Variants in NEK1 observed in about 807,000 individuals in gnomAD.
The protein encoded by NEK1 is serine/threonine-protein kinase Nek1.
A neutral mutation model predicts 182.1 loss-of-function variants in NEK1; 137 were observed. The ratio of observed to expected loss-of-function variants is 0.75; its 90% CI spans 0.65 to 0.87. The LOEUF is 0.87. NEK1 is among the 40% of genes least tolerant of loss of function. The probability of loss-of-function intolerance (pLI) is 0.00; values close to 1 mark genes in which losing one functional copy is unlikely to be tolerated. For missense variants in NEK1, 1,391 were observed against 1,494.4 expected (o/e 0.93, Z 1.14); for synonymous variants, 513 against 492.2 (o/e 1.04, Z -0.56).
intron 4 of NEK1, among the ~76,000 whole-genome samples, chr4:169,601,404 T>C (rs1192631151): frequency 2.6e-5 from 4 of 152,196 alleles, no homozygotes; most frequent in African/African-American, 9.6e-5. Context: ...TAGAGAAGCT[T>C]TGCCTTATCT....
chr4:169,522,812 C>G lies in NEK1; in HGVS notation c.1666-13960G>C, dbSNP rs538114938. ...GGTGTCAGGAAAATGTTGAGGTTCC[C>G]TATCTTTGTTGGGATTCCCCTTTTC... On this transcript the variant is annotated intron_variant, in intron 19 of 35. Coordinates refer to ENST00000507142, the MANE Select transcript of NEK1 (RefSeq NM_001199397.3). 6.6e-5 allele frequency among the ~76,000 whole-genome samples: 10 copies of G among 152,260 alleles called. No homozygotes were observed. In the South Asian group the frequency reaches 2.1e-3, roughly 32 times the overall value.
intron 29 of NEK1, among the ~76,000 whole-genome samples, chr4:169,431,539 T>A (rs1477850177): frequency 7.1e-6 from 1 of 141,108 alleles, no homozygotes. Context: ...TAGGAAAAAA[T>A]GTATACAAAC....
intron 26 of NEK1, among the ~76,000 whole-genome samples, chr4:169,471,030 T>C (rs1745860581): frequency 6.6e-6 from 1 of 152,188 alleles, no homozygotes; most frequent in East Asian, 1.9e-4. Context: ...TGTAACTTTT[T>C]ATCAAGGTTC....
intron 31 of NEK1, among the ~76,000 whole-genome samples, chr4:169,421,931 T>A (rs1456713902): frequency 2.0e-5 from 3 of 152,162 alleles, no homozygotes; most frequent in African/African-American, 7.2e-5. Flanking sequence ...TATTTCACAG[T>A]AGAAAAACAC....
chr4:169,435,284 C>T (rs1247823489), intron 28 of NEK1, among the ~76,000 whole-genome samples: 5 of 152,146 alleles, frequency 3.3e-5, no homozygotes, highest in African/African-American at 1.2e-4. Flanking sequence ...GGGCACCAAT[C>T]CCATTAATGA....
chr4:169,451,217 G>T (rs1171689746), intron 27 of NEK1, among the ~76,000 whole-genome samples: 2 of 152,078 alleles, frequency 1.3e-5, no homozygotes, highest in Non-Finnish European at 2.9e-5. Flanking sequence ...GTCAATATTA[G>T]ACAGATCAAC....
intron 2 of NEK1, among the ~76,000 whole-genome samples, chr4:169,603,269 A>C (rs1340961220): frequency 6.6e-6 from 1 of 152,194 alleles, no homozygotes; most frequent in Admixed American, 6.5e-5. Flanking sequence ...AGGTACCCTC[A>C]TTAACACTGG....
intron 19 of NEK1, among the ~76,000 whole-genome samples, chr4:169,510,328 T>C (rs763695781): frequency 2.6e-5 from 4 of 152,184 alleles, no homozygotes; most frequent in Non-Finnish European, 5.9e-5. Context: ...TTTATAAACC[T>C]GACTTTATCC....
chr4:169,415,689 T>A (rs911177323), intron 31 of NEK1, among the ~76,000 whole-genome samples: 1 of 152,222 alleles, frequency 6.6e-6, no homozygotes, highest in East Asian at 1.9e-4. Context: ...ATTCCAGGCC[T>A]ATCCCTGCTG....
chr4:169,580,962 C>T (rs747501523), intron 10 of NEK1, 60 bp from the exon 11 acceptor site: 1 of 919,096 alleles, frequency 1.1e-6, no homozygotes, highest in Non-Finnish European at 1.6e-6. Flanking sequence ...AAAAAACCTA[C>T]CCATTAATTA....
At chr4:169,468,842 C>A (rs949491262) in intron 26 of NEK1, among the ~76,000 whole-genome samples, 1 of 151,914 alleles carries the variant, frequency 6.6e-6, no homozygotes, top group Non-Finnish European at 1.5e-5. Context: ...CTAGTTTAGT[C>A]TTGGGAGGGT....
chr4:169,489,213 G>A (rs1053583029), intron 23 of NEK1, among the ~76,000 whole-genome samples: 1 of 152,120 alleles, frequency 6.6e-6, no homozygotes, highest in Non-Finnish European at 1.5e-5. Flanking sequence ...AGCATTTTAC[G>A]TGGTAAATCA....
chr4:169,406,242 T>TAA (rs1334000910), intron 32 of NEK1, among the ~76,000 whole-genome samples: 1 of 152,024 alleles, frequency 6.6e-6, no homozygotes, highest in Non-Finnish European at 1.5e-5. Flanking sequence ...AGCTAGGTGA[T>TAA]AGAGTGACAC....
At chr4:169,462,723 C>G (rs1328073459) in intron 27 of NEK1, among the ~76,000 whole-genome samples, 1 of 152,128 alleles carries the variant, frequency 6.6e-6, no homozygotes, top group East Asian at 1.9e-4. Context: ...ATCATTTAAA[C>G]AAGCTGTTTA....
chr4:169,488,827 T>A (rs918931565), intron 23 of NEK1, among the ~76,000 whole-genome samples: 1 of 152,204 alleles, frequency 6.6e-6, no homozygotes, highest in Non-Finnish European at 1.5e-5. Flanking sequence ...TATATTAGAC[T>A]TTCTATTGAA....
chr4:169,475,387 G>A (rs1399732472), intron 26 of NEK1, among the ~76,000 whole-genome samples: 1 of 152,000 alleles, frequency 6.6e-6, no homozygotes, highest in East Asian at 1.9e-4. Context: ...GGTATAATTA[G>A]CATTAGACTA....
At chr4:169,565,929 C>T (rs1763607205) in intron 12 of NEK1, among the ~76,000 whole-genome samples, 1 of 152,176 alleles carries the variant, frequency 6.6e-6, no homozygotes, top group African/African-American at 2.4e-5. Flanking sequence ...TAATTGAAAA[C>T]TTTTAATGGC....
rs544374519 is a variant in NEK1, at chr4:169,442,183, C to G, written c.2588-3924G>C. 1.1e-4 allele frequency among the ~76,000 whole-genome samples: 17 copies of G among 152,300 alleles called. No individual in the cohort carries two copies. The South Asian group carries it at 3.5e-3, about 32-fold the overall frequency. On this transcript the variant is annotated intron_variant, in intron 27 of 35. Transcript: ENST00000507142. The stretch of plus-strand genomic sequence containing the variant: ...ACTATCACCAGTGCCTGAACACCAT[C>G]TGGGGGGCCAAGTACCTGCATTCTC...
At chr4:169,597,234 T>C (rs1321886491) in intron 5 of NEK1, among the ~76,000 whole-genome samples, 1 of 152,210 alleles carries the variant, frequency 6.6e-6, no homozygotes, top group East Asian at 1.9e-4. Flanking sequence ...GGTATCTCCC[T>C]ATTAACAAAT....
Sources: gnomAD v4.1 joint callset for allele counts (sites outside exome capture counted in the v4.1 genomes callset) on GRCh38, gnomAD v4.1.1 for gene constraint, MANE v1.5 for transcripts, NCBI Gene and HGNC (gene_info 2026-07-23, HGNC 2026-07-21) for gene names.